M1AP: variants seen among roughly 807,000 people sequenced by gnomAD.
The protein encoded by M1AP is meiosis 1 associated protein.
Under a neutral mutation model 51.2 loss-of-function variants are expected in M1AP, and 39 were observed. That is an observed-to-expected ratio of 0.76 (90% confidence interval 0.59 to 1.00). M1AP has a LOEUF of 1.00. Among genes scored for constraint, M1AP ranks in the 50% least tolerant of loss-of-function variants. The pLI is 0.00. For missense variants in M1AP, 545 were observed against 641.2 expected (o/e 0.85, Z 1.62); for synonymous variants, 251 against 249.2 (o/e 1.01, Z -0.07).
chr2:74,644,188 T>C (rs1683466032), intron 1 of M1AP, among the ~76,000 whole-genome samples: 2 of 152,228 alleles, frequency 1.3e-5, no homozygotes, highest in South Asian at 4.1e-4. Flanking sequence ...AATACAAAGA[T>C]AATTATGATA....
At chr2:74,629,159 A>G (rs909163276) in intron 2 of M1AP, among the ~76,000 whole-genome samples, 1 of 152,254 alleles carries the variant, frequency 6.6e-6, no homozygotes, top group Admixed American at 6.5e-5. Flanking sequence ...GAAGTTACAG[A>G]GATGAACATG....
intron 7 of M1AP, among the ~76,000 whole-genome samples, chr2:74,564,215 T>G (rs551046748): frequency 6.6e-6 from 1 of 152,072 alleles, no homozygotes; most frequent in African/African-American, 2.4e-5. Context: ...GCATGAGAGT[T>G]AGACCCCACG....
At chr2:74,626,494 A>G (rs1682403131) in intron 2 of M1AP, among the ~76,000 whole-genome samples, 1 of 152,144 alleles carries the variant, frequency 6.6e-6, no homozygotes, top group African/African-American at 2.4e-5. Context: ...CCTGGCCTCA[A>G]GCAATCCTCC....
At chr2:74,614,270 T>TA (rs1383119084) in intron 3 of M1AP, among the ~76,000 whole-genome samples, 1 of 152,198 alleles carries the variant, frequency 6.6e-6, no homozygotes, top group Non-Finnish European at 1.5e-5. Context: ...CTCAGGGATC[T>TA]AAAAAATATT....
chr2:74,575,473 G>C lies in M1AP; in HGVS notation c.1039C>G (p.Gln347Glu). 1 of 1,614,152 alleles carries C rather than the reference G, an allele frequency of 6.2e-7. No homozygotes were observed. Among genetic ancestry groups the C allele is most frequent in the African/African-American group, 1.3e-5 (1 of 75,054 alleles). ...QLDWDELETN[Q>E]QHFHALCHSL... is the part of the protein sequence containing the mutation. Reference sequence around the variant, plus strand: ...TGACACAAAGCATGGAAATGTTGCTGATTTGTCTCCAGCTCATCCCAGTCC... The same window carrying C: ...TGACACAAAGCATGGAAATGTTGCTCATTTGTCTCCAGCTCATCCCAGTCC... The change falls in exon 7 of 11, where the codon CAG becomes GAG. Residue 347 changes from glutamine (Q) to glutamate (E), a missense_variant. Physicochemically the swap from Gln to Glu is conservative, Grantham distance 29. Coordinates refer to ENST00000421985, the MANE Select transcript of M1AP (RefSeq NM_001321739.2).
At chr2:74,564,224 C>T (rs534090081) in intron 7 of M1AP, among the ~76,000 whole-genome samples, 4 of 152,150 alleles carry the variant, frequency 2.6e-5, no homozygotes, top group Non-Finnish European at 4.4e-5. Context: ...TTAGACCCCA[C>T]GGGACACATG....
At chr2:74,583,292 G>C (rs1679522676) in intron 4 of M1AP, among the ~76,000 whole-genome samples, 3 of 152,338 alleles carry the variant, frequency 2.0e-5, no homozygotes, top group Admixed American at 2.0e-4. Flanking sequence ...CCTTATAGTA[G>C]AGAACCAAGC....
At chr2:74,596,703 CA>C (rs1184487921) in intron 4 of M1AP, among the ~76,000 whole-genome samples, 8 of 152,246 alleles carry the variant, frequency 5.3e-5, no homozygotes, top group Non-Finnish European at 8.8e-5. Flanking sequence ...TCACAATAGT[CA>C]AAAACTGGAA....
At chr2:74,628,782 C>CA (rs1682543440) in intron 2 of M1AP, 2 of 509,318 alleles carry the variant, frequency 3.9e-6, no homozygotes, top group Admixed American at 2.3e-5. Flanking sequence ...GAGTAACTCA[C>CA]AGAGAAGATA....
At chr2:74,644,252 T>C (rs1159903141) in intron 1 of M1AP, among the ~76,000 whole-genome samples, 1 of 152,124 alleles carries the variant, frequency 6.6e-6, no homozygotes, top group African/African-American at 2.4e-5. Context: ...TAAGAATACA[T>C]AGATAGGCCG....
At chr2:74,570,025 C>A (rs372725556) in intron 7 of M1AP, among the ~76,000 whole-genome samples, 23 of 151,900 alleles carry the variant, frequency 1.5e-4, no homozygotes, top group South Asian at 6.2e-4. Flanking sequence ...GAACTAGATC[C>A]TTTTTGGTGT....
chr2:74,600,123 T>C (rs893022969), intron 4 of M1AP, among the ~76,000 whole-genome samples: 3 of 152,178 alleles, frequency 2.0e-5, no homozygotes, highest in African/African-American at 4.8e-5. Flanking sequence ...GAGTTAAGCA[T>C]GGGGCCATTG....
At chr2:74,566,276 A>G (rs1454598124) in intron 7 of M1AP, among the ~76,000 whole-genome samples, 1 of 152,194 alleles carries the variant, frequency 6.6e-6, no homozygotes, top group African/African-American at 2.4e-5. Context: ...TCAGAGAGCT[A>G]TGGTGCAAAA....
chr2:74,560,437 C>G (rs967365794), intron 8 of M1AP, 146 bp from the exon 9 acceptor site: 4 of 800,086 alleles, frequency 5.0e-6, no homozygotes, highest in Non-Finnish European at 5.7e-6. Context: ...TGCTGTCCCC[C>G]TGGGTGTTCT....
At chr2:74,575,711 C>T in intron 6 of M1AP, 132 bp from the exon 7 acceptor site, 3 of 682,382 alleles carry the variant, frequency 4.4e-6, no homozygotes, top group Non-Finnish European at 7.5e-6. Context: ...AACTATGCAT[C>T]TTTGTATGGC....
chr2:74,638,271 C>G (rs192196784), intron 2 of M1AP, among the ~76,000 whole-genome samples: 1 of 152,252 alleles, frequency 6.6e-6, no homozygotes, highest in East Asian at 1.9e-4. Context: ...CCAGGCTGGT[C>G]TTGAACTACT....
chr2:74,568,215 A>G (rs895111398), intron 7 of M1AP, among the ~76,000 whole-genome samples: 1 of 152,256 alleles, frequency 6.6e-6, no homozygotes, highest in African/African-American at 2.4e-5. Flanking sequence ...ATGTGCTGTT[A>G]TGTCTGAACA....
intron 2 of M1AP, among the ~76,000 whole-genome samples, chr2:74,627,838 A>G (rs1349254895): frequency 6.6e-6 from 1 of 152,170 alleles, no homozygotes; most frequent in African/African-American, 2.4e-5. Context: ...AAAATCTAAC[A>G]ATTATTTCTC....
intron 10 of M1AP, among the ~76,000 whole-genome samples, 166 bp from the exon 11 acceptor site, chr2:74,559,040 A>T (rs955582429): frequency 1.3e-5 from 2 of 152,198 alleles, no homozygotes; most frequent in Admixed American, 6.5e-5. Context: ...CAGCCTCCAC[A>T]GTGCCTGTCT....
Sources: allele counts gnomAD v4.1 joint callset (sites outside exome capture counted in the v4.1 genomes callset), GRCh38; gene constraint gnomAD v4.1.1; transcripts MANE v1.5; gene names NCBI Gene and HGNC (gene_info 2026-07-23, HGNC 2026-07-21).